Variants in SHPRH observed in about 807,000 individuals in gnomAD.
SHPRH encodes SNF2 histone linker PHD RING helicase.
In SHPRH, 106 loss-of-function variants were observed where a neutral mutation model predicts 202.5. The observed-to-expected ratio is 0.52, with a 90% CI of 0.45 to 0.62. SHPRH has a LOEUF of 0.62. Among genes scored for constraint, SHPRH ranks in the 20% least tolerant of loss-of-function variants. The probability of loss-of-function intolerance (pLI) is 0.00; values close to 1 mark genes in which losing one functional copy is unlikely to be tolerated. For synonymous variants in SHPRH, 729 were observed against 686.0 expected (o/e 1.06, Z -0.98); for missense variants, 1,710 against 2,020.0 (o/e 0.85, Z 2.94).
intron 6 of SHPRH, among the ~76,000 whole-genome samples, chr6:145,946,623 T>G (rs994798731): frequency 6.6e-6 from 1 of 152,004 alleles, no homozygotes; most frequent in East Asian, 1.9e-4. Context: ...AATTAACCCA[T>G]TGAATTTATA....
At position 145,925,096 on chromosome 6, in the gene SHPRH, T is replaced by G. The variant is rs1463112636; in HGVS notation, c.3295-250A>C. ...GAATATTTGTTTGCCAATTTCTTAT[T>G]TAATTTTTTTTTTTAGTTAGAATAA... On this transcript the variant is annotated intron_variant, in intron 16 of 29. Transcript: ENST00000275233. 2.6e-5 allele frequency among the ~76,000 whole-genome samples: 4 copies of G among 151,838 alleles called. No individual in the cohort carries two copies. In the East Asian group the frequency reaches 7.8e-4, roughly 30 times the overall value.
Position 145,918,125 on chromosome 6 carries a change from C to T in SHPRH, c.4254+6G>A. 2 of 1,603,042 alleles carry T rather than the reference C, an allele frequency of 1.2e-6. No individual in the cohort carries two copies. Among genetic ancestry groups the T allele is most frequent in the Non-Finnish European group, 1.7e-6 (2 of 1,174,464 alleles). ...AGGAAAAAGTAGCATGTCTTAGAAA[C>T]AATACCTTCTCCAAATTAGTTAGGT... On this transcript the variant is annotated splice_donor_region_variant and intron_variant, in intron 23 of 29. Transcript: ENST00000275233.
At chr6:145,869,208 T>G (rs1779942668) in intron 2 of SHPRH, among the ~76,000 whole-genome samples, 1 of 152,210 alleles carries the variant, frequency 6.6e-6, no homozygotes, top group Non-Finnish European at 1.5e-5. Context: ...ATTTTCTTAT[T>G]GTTGAGCTTT....
rs756227410 is a variant in SHPRH at position 145,886,391 on chromosome 6, A to G, written c.*300T>C. 2.7e-6 allele frequency: 2 copies of G among 734,102 alleles called. No homozygotes were observed. Among genetic ancestry groups the G allele is most frequent in the Admixed American group, 1.9e-5 (1 of 51,630 alleles). 45.5% of individuals were successfully genotyped at this position (734,102 alleles called of 1,614,324 possible). A position where few individuals can be genotyped will look rare whatever the true frequency, so the allele number is the denominator to read the frequency against. ...GTTTTATGAGTGATCTTATCATAAG[A>G]AAAGTACACATTACCTCTCTTAATT... On this transcript the variant is annotated 3_prime_UTR_variant, in exon 30 of 30. Coordinates refer to ENST00000275233, the MANE Select transcript of SHPRH (RefSeq NM_001042683.3).
At chr6:145,896,910 T>C (rs1222273701) in intron 25 of SHPRH, among the ~76,000 whole-genome samples, 2 of 151,878 alleles carry the variant, frequency 1.3e-5, no homozygotes, top group Non-Finnish European at 1.5e-5. Context: ...GTTCTAATAA[T>C]GAAGCTTATA....
At chr6:145,879,463 T>C (rs1780453427) in intron 2 of SHPRH, among the ~76,000 whole-genome samples, 1 of 152,162 alleles carries the variant, frequency 6.6e-6, no homozygotes, top group Non-Finnish European at 1.5e-5. Flanking sequence ...CTCTTGAAGT[T>C]TATCTGCACT....
intron 11 of SHPRH, among the ~76,000 whole-genome samples, chr6:145,936,140 C>G (rs1281591562): frequency 6.6e-6 from 1 of 152,036 alleles, no homozygotes; most frequent in African/African-American, 2.4e-5. Context: ...CTATTCCCCT[C>G]CACCTGCCCA....
Position 145,894,106 on chromosome 6 carries a change from G to A in SHPRH, c.4695+44C>T, listed in dbSNP as rs778269916. 2.1e-6 allele frequency: 3 copies of A among 1,447,372 alleles called. No individual in the cohort carries two copies. The East Asian group carries it at 7.1e-5, about 34-fold the overall frequency. 89.7% of individuals were successfully genotyped at this position (1,447,372 alleles called of 1,614,324 possible). A position where few individuals can be genotyped will look rare whatever the true frequency, so the allele number is the denominator to read the frequency against. ...AGCTAGTTAACAGCAGTTTAAATTT[G>A]CAACTGTATCCACTACAAAAACCGG... On this transcript the variant is annotated intron_variant, in intron 27 of 29. Coordinates refer to ENST00000275233, the MANE Select transcript of SHPRH (RefSeq NM_001042683.3).
the SHPRH span, among the ~76,000 whole-genome samples, chr6:145,858,415 G>T: frequency 3.3e-5 from 5 of 151,964 alleles, no homozygotes; most frequent in Admixed American, 6.6e-5. Context: ...AAACAATTTG[G>T]ATGAATCTTA....
At position 145,922,714 on chromosome 6, in the gene SHPRH, A is replaced by G. The variant is rs1784527291; in HGVS notation, c.3668T>C (p.Ile1223Thr). 2 of 1,612,032 alleles carry G rather than the reference A, an allele frequency of 1.2e-6. No individual in the cohort carries two copies. The highest frequency in any genetic ancestry group is 1.3e-5 in the African/African-American group (1 of 74,766). The change falls in exon 19 of 30, where the codon ATT (isoleucine) becomes ACT (threonine). Residue 1223 changes from isoleucine (I) to threonine (T), a missense_variant. Ile to Thr is a moderately conservative substitution (Grantham distance 89). This residue lies in a region of SHPRH where 288 missense variants were observed against 317.8 expected (regional missense o/e 0.91). Coordinates refer to ENST00000275233, the MANE Select transcript of SHPRH (RefSeq NM_001042683.3). ...NLEGPPSRNVIESATVCHLRP... is the reference protein window; with the variant it reads ...NLEGPPSRNVTESATVCHLRP... ...GAGGTGACAGACTGTTGCAGACTCA[A>G]TAACATTACGAGATGGAGGTCCCTC...
At chr6:145,896,255 A>G (rs1258562969) in intron 25 of SHPRH, among the ~76,000 whole-genome samples, 1 of 152,100 alleles carries the variant, frequency 6.6e-6, no homozygotes, top group African/African-American at 2.4e-5. Context: ...TGTACTACAA[A>G]GAACCTATTT....
chr6:145,895,243 G>T (rs2247211), intron 25 of SHPRH, among the ~76,000 whole-genome samples: 1 of 151,770 alleles, frequency 6.6e-6, no homozygotes, highest in Non-Finnish European at 1.5e-5. Context: ...CCTGAACATA[G>T]GATCTTTTAG....
At chr6:145,910,744 A>C in intron 24 of SHPRH, 108 bp from the exon 25 acceptor site, 1 of 1,110,338 alleles carries the variant, frequency 9.0e-7, no homozygotes, top group Non-Finnish European at 1.2e-6. Context: ...TCATAACATT[A>C]ATATTCTTTG....
Position 145,918,681 on chromosome 6 carries a change from T to A in SHPRH, c.4153-449A>T, listed in dbSNP as rs148301084. On this transcript the variant is annotated intron_variant, in intron 22 of 29. Coordinates refer to ENST00000275233, the MANE Select transcript of SHPRH (RefSeq NM_001042683.3). ...AGAAGGAACACTCAAACAAGACGAA[T>A]TTATTTTCTCAGAAAAACTTCTTCA... 1.0e-2 allele frequency: 1,521 copies of A among 152,686 alleles called. 9 individuals are homozygous for A. Among genetic ancestry groups the A allele is most frequent in the Middle Eastern group, 0.027 (8 of 296 alleles). The allele number at this position is 152,686 out of a possible 1,614,324, so 9.5% of individuals were successfully genotyped here.
intron 25 of SHPRH, among the ~76,000 whole-genome samples, chr6:145,899,785 C>T (rs886115586): frequency 2.0e-5 from 3 of 151,976 alleles, no homozygotes; most frequent in African/African-American, 7.2e-5. Flanking sequence ...CCAAAATATA[C>T]CAGAAACTCA....
In SHPRH at chr6:145,923,648, T is replaced by C; in HGVS notation, c.3540A>G (p.Ser1180=). 6.2e-7 allele frequency: 1 copy of C among 1,611,750 alleles called. No homozygotes were observed. The highest frequency in any genetic ancestry group is 8.5e-7 in the Non-Finnish European group (1 of 1,178,554). Reference sequence around the variant, plus strand: ...TTTTCTTCCTGTTTTCTTACTTCTCTGACATAGAAAGCTTGCCAGTTTGTT... The same window carrying C: ...TTTTCTTCCTGTTTTCTTACTTCTCCGACATAGAAAGCTTGCCAGTTTGTT... ...YKQQTGKLSM[S]EKFRDCRGLQ... Residue 1180 remains serine, a synonymous_variant, in exon 18 of 30, where the codon TCA becomes TCG. Transcript: ENST00000275233.
Position 145,922,818 on chromosome 6 carries a change from A to C in SHPRH, c.3564T>G (p.Gly1188=). 1 of 1,610,032 alleles carries C rather than the reference A, an allele frequency of 6.2e-7. No individual in the cohort carries two copies. The highest frequency in any genetic ancestry group is 1.1e-5 in the South Asian group (1 of 90,690). The part of the protein sequence containing the change: ...SMSEKFRDCR[G]LQFLLTTQME... ...TTTGTGTTGTAAGTAAGAACTGAAG[A>C]CCTCTGCAATCACGGAACCTGATTC... is the stretch of plus-strand genomic sequence containing the variant. Residue 1188 remains glycine, a synonymous_variant, in exon 19 of 30, where the codon GGT becomes GGG. Transcript: ENST00000275233.
At chr6:145,896,499 G>A (rs547543466) in intron 25 of SHPRH, among the ~76,000 whole-genome samples, 12 of 151,934 alleles carry the variant, frequency 7.9e-5, no homozygotes, top group African/African-American at 1.7e-4. Context: ...TTCTAGTACC[G>A]TAGTGCTAAC....
At chr6:145,898,312 T>C (rs1245659190) in intron 25 of SHPRH, among the ~76,000 whole-genome samples, 2 of 152,048 alleles carry the variant, frequency 1.3e-5, no homozygotes, top group Admixed American at 6.6e-5. Context: ...CTGAAAACTA[T>C]GAAACATTAA....
Sources: gnomAD v4.1 joint callset for allele counts (sites outside exome capture counted in the v4.1 genomes callset) on GRCh38, gnomAD v4.1.1 for gene constraint, gnomAD v4.1.1 regional missense constraint, MANE v1.5 for transcripts, NCBI Gene and HGNC (gene_info 2026-07-23, HGNC 2026-07-21) for gene names.